The following BCAS3 variants were observed in gnomAD, a reference collection of about 807,000 sequenced individuals.
The protein encoded by BCAS3 is BCAS3 microtubule associated cell migration factor, also known as BCAS4/BCAS3 fusion.
A neutral mutation model predicts 116.1 loss-of-function variants in BCAS3; 53 were observed. The observed-to-expected ratio is 0.46, with a 90% CI of 0.37 to 0.57. The LOEUF is 0.57. Ranked by LOEUF, BCAS3 falls within the 20% of genes least tolerant of loss-of-function variation. The pLI, the probability that BCAS3 is intolerant of heterozygous loss-of-function variation, is 0.00. For missense variants in BCAS3, 917 were observed against 1,165.4 expected (o/e 0.79, Z 3.10); for synonymous variants, 391 against 408.2 (o/e 0.96, Z 0.51).
At chr17:60,800,726 A>C (rs766549924) in intron 6 of BCAS3, among the ~76,000 whole-genome samples, 3 of 152,118 alleles carry the variant, frequency 2.0e-5, no homozygotes, top group Non-Finnish European at 4.4e-5. Context: ...ATAGTTTTAC[A>C]TTTAAATCTG....
chr17:60,958,142 G>A (rs929387767), intron 14 of BCAS3, among the ~76,000 whole-genome samples: 6 of 152,148 alleles, frequency 3.9e-5, no homozygotes, highest in African/African-American at 1.2e-4. Flanking sequence ...GAATTGATGA[G>A]GTATTGCTAA....
chr17:61,046,635 G>A (rs2068379524), intron 19 of BCAS3, among the ~76,000 whole-genome samples: 1 of 151,800 alleles, frequency 6.6e-6, no homozygotes, highest in African/African-American at 2.4e-5. Context: ...GACATGTTCG[G>A]TAGAGACGCA....
intron 15 of BCAS3, among the ~76,000 whole-genome samples, chr17:61,005,830 G>A (rs1315772031): frequency 6.8e-6 from 1 of 147,360 alleles, no homozygotes; most frequent in East Asian, 2.0e-4. Context: ...AAGTTTTAGG[G>A]TACATGTGCA....
intron 6 of BCAS3, among the ~76,000 whole-genome samples, chr17:60,761,658 A>G (rs192591040): frequency 3.9e-5 from 6 of 152,296 alleles, no homozygotes; most frequent in South Asian, 2.1e-4. Flanking sequence ...TAGTGCCGCA[A>G]TAAACATACG....
intron 10 of BCAS3, among the ~76,000 whole-genome samples, chr17:60,901,212 TAA>T (rs879817022): frequency 1.6e-4 from 23 of 142,328 alleles, no homozygotes; most frequent in Non-Finnish European, 1.5e-4. Context: ...CTCTGTCTCT[TAA>T]AAAAAAAAAA....
intron 21 of BCAS3, among the ~76,000 whole-genome samples, chr17:61,078,914 A>G (rs2072282724): frequency 6.6e-6 from 1 of 152,138 alleles, no homozygotes; most frequent in Admixed American, 6.5e-5. Flanking sequence ...CTAATCCTGT[A>G]TCTCCCTTCT....
chr17:60,710,214 T>C (rs984320958), intron 5 of BCAS3, among the ~76,000 whole-genome samples: 6 of 152,170 alleles, frequency 3.9e-5, no homozygotes, highest in South Asian at 2.1e-4. Flanking sequence ...TTCAGGAAAC[T>C]TGTTTGAAGC....
intron 13 of BCAS3, among the ~76,000 whole-genome samples, chr17:60,932,742 CAAAAAAAAAAA>C (rs1167994825): frequency 1.0e-4 from 4 of 38,204 alleles, no homozygotes; most frequent in African/African-American, 2.5e-4. Context: ...ACTCTTGTCT[CAAAAAAAAAAA>C]AAAAAAAAAA....
At chr17:61,345,279 G>A (rs2057439975) in intron 22 of BCAS3, among the ~76,000 whole-genome samples, 1 of 152,218 alleles carries the variant, frequency 6.6e-6, no homozygotes, top group African/African-American at 2.4e-5. Context: ...CTGGCTGGGC[G>A]ATTCTTTGGG....
At chr17:61,294,481 A>C (rs755117530) in intron 22 of BCAS3, among the ~76,000 whole-genome samples, 1 of 152,220 alleles carries the variant, frequency 6.6e-6, no homozygotes, top group Non-Finnish European at 1.5e-5. Flanking sequence ...AAAAAATTCC[A>C]TGCTGGTTGT....
chr17:60,778,626 A>C (rs147962770), intron 6 of BCAS3, among the ~76,000 whole-genome samples: 6 of 152,310 alleles, frequency 3.9e-5, no homozygotes, highest in African/African-American at 7.2e-5. Context: ...CTGAGCAAGC[A>C]GTTTGTGTTA....
chr17:61,157,752 A>G (rs937158891), intron 22 of BCAS3, among the ~76,000 whole-genome samples: 32 of 152,274 alleles, frequency 2.1e-4, no homozygotes, highest in African/African-American at 7.5e-4. Flanking sequence ...AACTCTATTG[A>G]ATGGAAAGTA....
At chr17:61,070,152 C>A in intron 19 of BCAS3, 1 of 1,565,526 alleles carries the variant, frequency 6.4e-7, no homozygotes, top group Non-Finnish European at 8.7e-7. Flanking sequence ...AAGACAACAA[C>A]ACACTTGTGT....
In BCAS3 at chr17:61,285,802, A is replaced by G. The variant is rs2051715702; in HGVS notation, c.2426-82525A>G. ...GTTTCCCAAAGGTAAAGGAGCCTGC[A>G]GCTGAGCCTCGAGTTTCTCATGTCT... On this transcript the variant is annotated intron_variant, in intron 22 of 23. Transcript: ENST00000407086. This position sits in a 1 kb window ranked among gnomAD's most constrained non-coding sequence, Gnocchi z 5.4. Among the ~76,000 whole-genome samples the G allele has an allele frequency of 6.6e-6, 1 of 152,220 alleles. No individual in the cohort carries two copies. The highest frequency in any genetic ancestry group is 2.4e-5 in the African/African-American group (1 of 41,456).
At chr17:61,135,963 G>A (rs1296780102) in intron 22 of BCAS3, 1 of 158,556 alleles carries the variant, frequency 6.3e-6, no homozygotes, top group Non-Finnish European at 1.4e-5. Context: ...TGGCTCCTGT[G>A]TGCCTCTCCT....
intron 6 of BCAS3, among the ~76,000 whole-genome samples, chr17:60,772,484 T>C (rs9915354): frequency 0.27 from 41,671 of 152,046 alleles, 11,419 homozygotes; most frequent in African/African-American, 0.71. Flanking sequence ...AGATTGCAAA[T>C]ATTTTCTCCC....
At position 61,387,837 on chromosome 17, in the gene BCAS3, A is replaced by G. The variant is rs1003429500; in HGVS notation, c.2594-4140A>G. 6.6e-6 allele frequency among the ~76,000 whole-genome samples: 1 copy of G among 152,136 alleles called. No individual in the cohort carries two copies. The highest frequency in any genetic ancestry group is 2.4e-5 in the African/African-American group (1 of 41,424). Reference sequence around the variant, plus strand: ...GTCTTCCTTGGTTTTGCTCTCTGCAATGTGGGTATATAGCTCCCACCACCC... The same window carrying G: ...GTCTTCCTTGGTTTTGCTCTCTGCAGTGTGGGTATATAGCTCCCACCACCC... On this transcript the variant is annotated intron_variant, in intron 23 of 23. Transcript: ENST00000407086. The surrounding 1 kb of genome is among the most constrained non-coding windows in gnomAD (Gnocchi z 6.2).
At chr17:61,330,837 A>T (rs1218000219) in intron 22 of BCAS3, among the ~76,000 whole-genome samples, 1 of 152,224 alleles carries the variant, frequency 6.6e-6, no homozygotes, top group Non-Finnish European at 1.5e-5. Flanking sequence ...CCTGGGCTTC[A>T]GTTTCCTCAT....
rs1176217676 is a variant in BCAS3 at position 61,348,775 on chromosome 17, CAG to C, written c.2426-19549_2426-19548del. ...GATTCTTTTTTTTTTTTTTTTGAAA[CAG>C]AGTCTCACTCTGTCGCCGAGGCTGG... is the stretch of plus-strand genomic sequence containing the variant. On this transcript the variant is annotated intron_variant, in intron 22 of 23. Transcript: ENST00000407086. The surrounding 1 kb of genome is among the most constrained non-coding windows in gnomAD (Gnocchi z 4.5). Among the ~76,000 whole-genome samples the C allele has an allele frequency of 1.8e-5, 2 of 113,700 alleles. No individual in the cohort carries two copies. The highest frequency in any genetic ancestry group is 3.7e-5 in the Non-Finnish European group (2 of 53,878). 74.6% of individuals were successfully genotyped at this position (113,700 alleles called of 152,430 possible). A position where few individuals can be genotyped will look rare whatever the true frequency, so the allele number is the denominator to read the frequency against.
Sources: gnomAD v4.1 joint callset for allele counts (sites outside exome capture counted in the v4.1 genomes callset) on GRCh38, gnomAD v4.1.1 for gene constraint, Gnocchi (gnomAD v3.1) non-coding constraint, MANE v1.5 for transcripts, NCBI Gene and HGNC (gene_info 2026-07-23, HGNC 2026-07-21) for gene names.